The following IQCM variants were observed in gnomAD, a reference collection of about 807,000 sequenced individuals.
The protein encoded by IQCM is IQ domain-containing protein M.
A neutral mutation model predicts 57.6 loss-of-function variants in IQCM; 45 were observed. That is an observed-to-expected ratio of 0.78 (90% CI 0.62 to 1.00). IQCM has a LOEUF of 1.00. Ranked by LOEUF, IQCM falls within the 50% of genes least tolerant of loss-of-function variation. The pLI is 0.00. For missense variants in IQCM, 468 were observed against 511.6 expected (o/e 0.91, Z 0.82); for synonymous variants, 148 against 158.9 (o/e 0.93, Z 0.51).
At chr4:149,579,879 T>C (rs1752015908) in intron 9 of IQCM, among the ~76,000 whole-genome samples, 1 of 151,780 alleles carries the variant, frequency 6.6e-6, no homozygotes, top group South Asian at 2.1e-4. Context: ...ATCAAGGGAA[T>C]TAACTATAGC....
chr4:149,670,357 T>C (rs1003349405), intron 7 of IQCM, among the ~76,000 whole-genome samples: 2 of 152,214 alleles, frequency 1.3e-5, no homozygotes, highest in Admixed American at 1.3e-4. Context: ...AAGTTGCTTA[T>C]CAGCTTAAGG....
intron 13 of IQCM, among the ~76,000 whole-genome samples, chr4:149,408,157 A>G (rs1733116585): frequency 6.6e-6 from 1 of 152,176 alleles, no homozygotes; most frequent in Admixed American, 6.6e-5. Context: ...ATAAATTTAT[A>G]CAATTACAAA....
At chr4:149,623,751 G>GTGTGTGTGTA (rs543588041) in intron 7 of IQCM, among the ~76,000 whole-genome samples, 15 of 151,334 alleles carry the variant, frequency 9.9e-5, no homozygotes, top group African/African-American at 2.9e-4. Context: ...GTGTGTGTGT[G>GTGTGTGTGTA]TACACATGTG....
At chr4:149,381,615 G>C (rs1309862908) in intron 13 of IQCM, among the ~76,000 whole-genome samples, 1 of 152,042 alleles carries the variant, frequency 6.6e-6, no homozygotes, top group Non-Finnish European at 1.5e-5. Flanking sequence ...TCAGGTCTTT[G>C]CTCAAATGTC....
chr4:149,682,395 A>G (rs1420402835), intron 6 of IQCM, among the ~76,000 whole-genome samples, 189 bp from the exon 7 acceptor site: 2 of 151,172 alleles, frequency 1.3e-5, no homozygotes, highest in African/African-American at 4.8e-5. Context: ...AAATACTACG[A>G]AATTTTGCTG....
In IQCM at chr4:149,663,641, G is replaced by A. The variant is rs1182108743; in HGVS notation, c.565+18477C>T. On this transcript the variant is annotated intron_variant, in intron 7 of 13. Transcript: ENST00000636793. The stretch of plus-strand genomic sequence containing the variant: ...CTGACAGTTGGTTTTCTTTTTTTTA[G>A]TATGTTGAATATACCATTCTCTTCT... 2.6e-5 allele frequency among the ~76,000 whole-genome samples: 4 copies of A among 150,956 alleles called. No individual in the cohort carries two copies. In the East Asian group the frequency reaches 5.9e-4, roughly 22 times the overall value.
Position 149,682,124 on chromosome 4 carries a change from C to T in IQCM, c.559G>A (p.Glu187Lys). 1 of 1,200,456 alleles carries T rather than the reference C, an allele frequency of 8.3e-7. No homozygotes were observed. The highest frequency in any genetic ancestry group is 1.0e-6 in the Non-Finnish European group (1 of 959,764). The allele number at this position is 1,200,456 out of a possible 1,614,324, so 74.4% of individuals were successfully genotyped here. A position where few individuals can be genotyped will look rare whatever the true frequency, so the allele number is the denominator to read the frequency against. The change falls in exon 7 of 14, where the codon GAA becomes AAA. Residue 187 changes from glutamate to lysine, a missense_variant. Coordinates refer to ENST00000636793, the MANE Select transcript of IQCM (RefSeq NM_001363507.2). ...ATTTATGTATAAGACTCACCAGGTT[C>T]TTTCAGAAGTTCCAAGTTAGAGGTC... ...PGTSNLELLKEPDKAFYDWRG... is the reference protein window; with the variant it reads ...PGTSNLELLKKPDKAFYDWRG...
intron 7 of IQCM, among the ~76,000 whole-genome samples, chr4:149,622,411 C>A (rs1018666975): frequency 6.7e-6 from 1 of 148,910 alleles, no homozygotes; most frequent in Non-Finnish European, 1.5e-5. Context: ...GGTGCGATCT[C>A]GGCTCACTGC....
chr4:149,378,485 A>C (rs192120073), intron 13 of IQCM, among the ~76,000 whole-genome samples: 2 of 152,280 alleles, frequency 1.3e-5, no homozygotes, highest in East Asian at 3.9e-4. Flanking sequence ...ACTTGTTGGG[A>C]ACTGAAGCAA....
chr4:149,631,275 C>T (rs2150093726), intron 7 of IQCM, among the ~76,000 whole-genome samples: 1 of 152,268 alleles, frequency 6.6e-6, no homozygotes, highest in Admixed American at 6.5e-5. Flanking sequence ...AATCCCTGTA[C>T]CTCTTCCCTT....
chr4:149,790,975 TAAAG>T (rs1293687826), intron 2 of IQCM, among the ~76,000 whole-genome samples: 1 of 152,092 alleles, frequency 6.6e-6, no homozygotes, highest in Non-Finnish European at 1.5e-5. Context: ...TAAAATAAAA[TAAAG>T]AACTCTAAGA....
intron 12 of IQCM, among the ~76,000 whole-genome samples, chr4:149,479,591 C>A (rs911421985): frequency 1.3e-5 from 2 of 152,190 alleles, no homozygotes; most frequent in African/African-American, 2.4e-5. Flanking sequence ...AGTGGCAAAG[C>A]CACATTAAGA....
chr4:149,558,633 T>G (rs1035144940), intron 10 of IQCM, among the ~76,000 whole-genome samples: 1 of 152,144 alleles, frequency 6.6e-6, no homozygotes, highest in African/African-American at 2.4e-5. Flanking sequence ...TTCTACAGGT[T>G]AGTATGGGGC....
intron 12 of IQCM, among the ~76,000 whole-genome samples, chr4:149,469,910 GACAA>G (rs1295457456): frequency 2.6e-5 from 4 of 152,146 alleles, no homozygotes; most frequent in Non-Finnish European, 4.4e-5. Context: ...ATCCTTTACA[GACAA>G]ACAAAGGCTG....
chr4:149,791,839 C>G (rs777638719), intron 2 of IQCM, among the ~76,000 whole-genome samples: 16 of 152,084 alleles, frequency 1.1e-4, no homozygotes, highest in Admixed American at 3.3e-4. Flanking sequence ...TTATTGCAAA[C>G]AGTACATATT....
chr4:149,492,640 G>GTA (rs1742217450), intron 12 of IQCM, among the ~76,000 whole-genome samples: 1 of 152,088 alleles, frequency 6.6e-6, no homozygotes, highest in Non-Finnish European at 1.5e-5. Context: ...TCACTTAGTA[G>GTA]TATGATGCAA....
chr4:149,694,218 CTTTTTTT>C (rs70965195), intron 5 of IQCM, among the ~76,000 whole-genome samples: 1 of 94,810 alleles, frequency 1.1e-5, no homozygotes, highest in Non-Finnish European at 2.0e-5. Context: ...GGATTAATTT[CTTTTTTT>C]TTTTTTTTTT....
chr4:149,358,881 G>GAGTATAGCATGATAT (rs1187484408), intron 13 of IQCM, among the ~76,000 whole-genome samples: 1 of 80,968 alleles, frequency 1.2e-5, no homozygotes, highest in Admixed American at 1.1e-4. Context: ...TATATCATGA[G>GAGTATAGCATGATAT]ACCACAGTGG....
intron 2 of IQCM, among the ~76,000 whole-genome samples, chr4:149,743,383 C>A (rs988525253): frequency 6.6e-6 from 1 of 152,060 alleles, no homozygotes; most frequent in Non-Finnish European, 1.5e-5. Context: ...TTATGTTGTC[C>A]ATGCCTCTCC....
Sources: allele counts gnomAD v4.1 joint callset (sites outside exome capture counted in the v4.1 genomes callset), GRCh38; gene constraint gnomAD v4.1.1; transcripts MANE v1.5; gene names NCBI Gene and HGNC (gene_info 2026-07-23, HGNC 2026-07-21).